The following LRP1B variants were observed in gnomAD, a reference collection of about 807,000 sequenced individuals.
LRP1B encodes the protein low-density lipoprotein receptor-related protein 1B.
Under a neutral mutation model 556.6 loss-of-function variants are expected in LRP1B, and 217 were observed. The ratio of observed to expected loss-of-function variants is 0.39; its 90% CI spans 0.35 to 0.44. LRP1B has a LOEUF of 0.44. Among genes scored for constraint, LRP1B ranks in the 20% least tolerant of loss-of-function variants. The probability of loss-of-function intolerance (pLI) is 1.00; values close to 1 mark genes in which losing one functional copy is unlikely to be tolerated. For missense variants in LRP1B, 5,053 were observed against 5,620.8 expected (o/e 0.90, Z 3.23); for synonymous variants, 2,047 against 1,865.8 (o/e 1.10, Z -2.50).
At chr2:141,775,343 A>G (rs749405354) in intron 2 of LRP1B, among the ~76,000 whole-genome samples, 2 of 152,232 alleles carry the variant, frequency 1.3e-5, no homozygotes, top group Non-Finnish European at 2.9e-5. Flanking sequence ...CTTATTTTGC[A>G]TACATTTGTA....
At chr2:141,738,989 T>G (rs2105536501) in intron 2 of LRP1B, among the ~76,000 whole-genome samples, 1 of 152,228 alleles carries the variant, frequency 6.6e-6, no homozygotes, top group African/African-American at 2.4e-5. Context: ...GCAAAATATT[T>G]TATTCAACAC....
intron 31 of LRP1B, 94 bp downstream of exon 31, chr2:140,839,897 T>TA: frequency 1.3e-6 from 1 of 766,982 alleles, no homozygotes; most frequent in Non-Finnish European, 2.1e-6. Flanking sequence ...TACTAATCTT[T>TA]AATATTTTCT....
chr2:140,566,080 G>A (rs1461781655), intron 43 of LRP1B, among the ~76,000 whole-genome samples: 1 of 152,116 alleles, frequency 6.6e-6, no homozygotes, highest in Non-Finnish European at 1.5e-5. Context: ...ACTACTGATG[G>A]TGTGTATGTG....
intron 18 of LRP1B, among the ~76,000 whole-genome samples, chr2:140,954,415 A>G (rs555056810): frequency 2.6e-5 from 4 of 152,222 alleles, no homozygotes; most frequent in African/African-American, 9.6e-5. Context: ...TGACTCTATA[A>G]TAAGCTAATT....
At position 140,509,884 on chromosome 2, in the gene LRP1B, T is replaced by C. The variant is rs199876315; in HGVS notation, c.8398+44A>G. ...TACAAAAACAAATAACCAAGGATGC[T>C]GCAACAGTTTTCTTTGACATGCAGC... On this transcript the variant is annotated intron_variant, in intron 52 of 90. Transcript: ENST00000389484. 8.9e-5 allele frequency: 142 copies of C among 1,588,640 alleles called. No homozygotes were observed. The African/African-American group carries it at 1.8e-3, about 20-fold the overall frequency.
chr2:140,980,877 T>C (rs1469009454), intron 18 of LRP1B, among the ~76,000 whole-genome samples: 3 of 152,072 alleles, frequency 2.0e-5, no homozygotes, highest in Non-Finnish European at 4.4e-5. Flanking sequence ...ATAAAGAAAA[T>C]GTAGTATATA....
chr2:140,737,218 G>A (rs1007808890), intron 35 of LRP1B, among the ~76,000 whole-genome samples: 1 of 152,038 alleles, frequency 6.6e-6, no homozygotes, highest in Non-Finnish European at 1.5e-5. Flanking sequence ...GCAACATTGT[G>A]GCAATTACGT....
At chr2:140,837,209 T>G (rs1691936543) in intron 31 of LRP1B, among the ~76,000 whole-genome samples, 1 of 152,282 alleles carries the variant, frequency 6.6e-6, no homozygotes, top group South Asian at 2.1e-4. Context: ...AAGAAGAGAT[T>G]TTGTCTTGAT....
At chr2:141,743,486 CTTTTTTTTTTTTTTCTT>C (rs797003836) in intron 2 of LRP1B, among the ~76,000 whole-genome samples, 14 of 108,042 alleles carry the variant, frequency 1.3e-4, no homozygotes, top group South Asian at 3.2e-4. Context: ...CTGCTTTTTT[CTTTTTTTTTTTTTTCTT>C]TTTTTTTTTT....
chr2:141,254,739 T>C, intron 3 of LRP1B, 98 bp from the exon 4 acceptor site: 2 of 904,550 alleles, frequency 2.2e-6, no homozygotes, highest in South Asian at 4.2e-5. Flanking sequence ...TCTTGATTGT[T>C]CTCCCAGAAA....
chr2:141,117,603 G>A (rs532623456), intron 7 of LRP1B, among the ~76,000 whole-genome samples: 48 of 152,038 alleles, frequency 3.2e-4, no homozygotes, highest in African/African-American at 1.1e-3. Context: ...TTTTAACTTC[G>A]TGGTTAAGGA....
At chr2:141,772,641 G>C (rs761748486) in intron 2 of LRP1B, among the ~76,000 whole-genome samples, 3 of 152,156 alleles carry the variant, frequency 2.0e-5, no homozygotes, top group Non-Finnish European at 4.4e-5. Context: ...TTTTAAATTT[G>C]CAGAGCACGA....
At chr2:140,744,814 G>T (rs1024993496) in intron 35 of LRP1B, among the ~76,000 whole-genome samples, 1 of 152,042 alleles carries the variant, frequency 6.6e-6, no homozygotes, top group African/African-American at 2.4e-5. Context: ...TTGTTTGTTT[G>T]TTACCCAGCT....
intron 1 of LRP1B, among the ~76,000 whole-genome samples, chr2:141,994,475 T>G (rs907476651): frequency 6.6e-6 from 1 of 152,202 alleles, no homozygotes; most frequent in Non-Finnish European, 1.5e-5. Context: ...CATGCATTAT[T>G]TCTAGATCTT....
intron 77 of LRP1B, among the ~76,000 whole-genome samples, chr2:140,345,517 C>G (rs906487547): frequency 1.2e-4 from 18 of 151,144 alleles, no homozygotes; most frequent in African/African-American, 4.1e-4. Context: ...GAGCTTGATT[C>G]CAGTCCTTCT....
At chr2:140,471,347 C>T (rs939751314) in intron 60 of LRP1B, among the ~76,000 whole-genome samples, 1 of 152,098 alleles carries the variant, frequency 6.6e-6, no homozygotes, top group Admixed American at 6.6e-5. Flanking sequence ...TAACGCATCT[C>T]CCACCAAAAT....
At chr2:140,651,164 G>A (rs899978874) in intron 41 of LRP1B, among the ~76,000 whole-genome samples, 7 of 152,094 alleles carry the variant, frequency 4.6e-5, no homozygotes, top group Middle Eastern at 3.4e-3. Context: ...AGTAAGTTTG[G>A]GAGATAAGAA....
intron 31 of LRP1B, among the ~76,000 whole-genome samples, chr2:140,826,217 T>A (rs1021510716): frequency 6.6e-6 from 1 of 152,142 alleles, no homozygotes; most frequent in Admixed American, 6.5e-5. Flanking sequence ...TACATATACA[T>A]CAGGTCCTTG....
chr2:140,538,014 T>G (rs1679991077), intron 45 of LRP1B, among the ~76,000 whole-genome samples: 1 of 152,120 alleles, frequency 6.6e-6, no homozygotes, highest in Non-Finnish European at 1.5e-5. Flanking sequence ...TTAATTATGT[T>G]GGAGGTAAGT....
Sources: allele counts gnomAD v4.1 joint callset (sites outside exome capture counted in the v4.1 genomes callset), GRCh38; gene constraint gnomAD v4.1.1; transcripts MANE v1.5; gene names NCBI Gene and HGNC (gene_info 2026-07-23, HGNC 2026-07-21).